NLGN1: variants seen among roughly 807,000 people sequenced by gnomAD.
The protein encoded by NLGN1 is neuroligin-1.
NLGN1 carries 12 observed loss-of-function variants against 65.5 expected under a neutral mutation model. The observed-to-expected ratio is 0.18, with a 90% CI of 0.12 to 0.30. NLGN1 has a LOEUF of 0.30. Among genes scored for constraint, NLGN1 ranks in the 10% least tolerant of loss-of-function variants. The pLI, the probability that NLGN1 is intolerant of heterozygous loss-of-function variation, is 1.00. For synonymous variants in NLGN1, 350 were observed against 359.5 expected (o/e 0.97, Z 0.30); for missense variants, 750 against 1,007.1 (o/e 0.74, Z 3.46).
intron 4 of NLGN1, among the ~76,000 whole-genome samples, chr3:173,997,759 A>G (rs541472001): frequency 2.0e-5 from 3 of 152,226 alleles, no homozygotes; most frequent in African/African-American, 7.2e-5. Flanking sequence ...AGAGCTCAAA[A>G]CACACCCACT....
At chr3:173,727,857 A>G (rs1241768965) in intron 3 of NLGN1, among the ~76,000 whole-genome samples, 1 of 152,140 alleles carries the variant, frequency 6.6e-6, no homozygotes, top group African/African-American at 2.4e-5. Context: ...AAGTACAGGA[A>G]GGCAATGGAG....
intron 2 of NLGN1, among the ~76,000 whole-genome samples, chr3:173,508,665 C>T (rs1347302408): frequency 2.0e-5 from 3 of 152,120 alleles, no homozygotes; most frequent in Non-Finnish European, 4.4e-5. Context: ...TCTGCTGGTC[C>T]TGTGGGTCAT....
chr3:173,553,598 G>A (rs1168887587), intron 2 of NLGN1, among the ~76,000 whole-genome samples: 1 of 152,208 alleles, frequency 6.6e-6, no homozygotes, highest in Non-Finnish European at 1.5e-5. Flanking sequence ...AATGACCTCA[G>A]AGGTCACTTT....
chr3:174,086,185 G>A (rs973349109), intron 4 of NLGN1, among the ~76,000 whole-genome samples: 5 of 126,436 alleles, frequency 4.0e-5, no homozygotes, highest in Admixed American at 7.7e-5. Flanking sequence ...GTATATATAT[G>A]TGTGTGTGTG....
At chr3:174,281,278 A>G in exon 7 of NLGN1, 1 of 1,600,592 alleles carries the variant, frequency 6.2e-7, no homozygotes, top group Non-Finnish European at 8.6e-7. Context: ...CCCCACCCCC[A>G]TTCACATTCA....
intron 3 of NLGN1, among the ~76,000 whole-genome samples, chr3:173,753,413 C>T (rs781294116): frequency 2.6e-5 from 4 of 152,110 alleles, no homozygotes; most frequent in African/African-American, 4.8e-5. Context: ...CGGGCCAAAA[C>T]ACTTGAAATC....
intron 2 of NLGN1, among the ~76,000 whole-genome samples, chr3:173,519,080 CT>C (rs1388254970): frequency 6.6e-6 from 1 of 152,192 alleles, no homozygotes; most frequent in Admixed American, 6.5e-5. Flanking sequence ...CAGGTCACTG[CT>C]TCAGAGGGTG....
At chr3:174,043,225 G>A (rs1732751460) in intron 4 of NLGN1, among the ~76,000 whole-genome samples, 1 of 152,048 alleles carries the variant, frequency 6.6e-6, no homozygotes, top group Non-Finnish European at 1.5e-5. Context: ...ATTTGAGTGG[G>A]GACACAGCCA....
At chr3:174,189,864 A>C (rs962971886) in intron 4 of NLGN1, among the ~76,000 whole-genome samples, 1 of 152,054 alleles carries the variant, frequency 6.6e-6, no homozygotes, top group Non-Finnish European at 1.5e-5. Flanking sequence ...ATGAGGGAAT[A>C]AGGGAAGTGA....
At chr3:173,939,284 T>C (rs1249874580) in intron 4 of NLGN1, among the ~76,000 whole-genome samples, 1 of 152,208 alleles carries the variant, frequency 6.6e-6, no homozygotes, top group Non-Finnish European at 1.5e-5. Flanking sequence ...AACATTGATT[T>C]TCCATGTTCT....
At chr3:173,986,197 G>A (rs531862907) in intron 4 of NLGN1, among the ~76,000 whole-genome samples, 5 of 151,834 alleles carry the variant, frequency 3.3e-5, no homozygotes, top group Non-Finnish European at 2.9e-5. Context: ...GGCCAGACAC[G>A]GTGGCTCACG....
chr3:173,703,388 A>T (rs574543747), intron 3 of NLGN1, among the ~76,000 whole-genome samples: 8 of 152,136 alleles, frequency 5.3e-5, no homozygotes, highest in Non-Finnish European at 8.8e-5. Flanking sequence ...AAAATTGGTA[A>T]TCAACAGATA....
At chr3:174,175,954 T>G (rs978352695) in intron 4 of NLGN1, among the ~76,000 whole-genome samples, 18 of 151,916 alleles carry the variant, frequency 1.2e-4, no homozygotes, top group African/African-American at 4.1e-4. Flanking sequence ...AAATATTAGA[T>G]TTGTCCTTCT....
At chr3:174,281,109 C>T (rs1472372944) in exon 7 of NLGN1, 1 of 1,613,206 alleles carries the variant, frequency 6.2e-7, no homozygotes, top group Non-Finnish European at 8.5e-7. Flanking sequence ...CGCCTGTCCC[C>T]CAGATTACAC....
intron 3 of NLGN1, among the ~76,000 whole-genome samples, chr3:173,687,240 G>A (rs1305539277): frequency 6.6e-6 from 1 of 152,192 alleles, no homozygotes; most frequent in Non-Finnish European, 1.5e-5. Context: ...TAACTCCTTT[G>A]TGTAAAATCT....
At chr3:173,485,912 C>G (rs1728095796) in intron 2 of NLGN1, among the ~76,000 whole-genome samples, 1 of 152,074 alleles carries the variant, frequency 6.6e-6, no homozygotes, top group South Asian at 2.1e-4. Flanking sequence ...GGAAATGTCA[C>G]ATTTCTTTCT....
intron 3 of NLGN1, among the ~76,000 whole-genome samples, chr3:173,705,722 T>C (rs954812501): frequency 1.3e-5 from 2 of 152,246 alleles, no homozygotes; most frequent in Admixed American, 6.5e-5. Flanking sequence ...TCGGTCGTCA[T>C]GGAGAAAGCC....
chr3:173,935,079 G>T (rs1381040594), intron 4 of NLGN1, among the ~76,000 whole-genome samples: 1 of 151,882 alleles, frequency 6.6e-6, no homozygotes, highest in African/African-American at 2.4e-5. Flanking sequence ...ACCAATCATT[G>T]CTCTTAAATT....
At chr3:173,455,792 C>T (rs1345362285) in intron 2 of NLGN1, among the ~76,000 whole-genome samples, 5 of 151,766 alleles carry the variant, frequency 3.3e-5, no homozygotes, top group Admixed American at 1.3e-4. Context: ...ATTTATTTTA[C>T]GTTATTGGCT....
Sources: allele counts gnomAD v4.1 joint callset (sites outside exome capture counted in the v4.1 genomes callset), GRCh38; gene constraint gnomAD v4.1.1; transcripts MANE v1.5; gene names NCBI Gene and HGNC (gene_info 2026-07-23, HGNC 2026-07-21).